SCMH1: variants seen among roughly 807,000 people sequenced by gnomAD.
SCMH1 encodes polycomb protein SCMH1.
SCMH1 carries 37 observed loss-of-function variants against 70.8 expected under a neutral mutation model. The observed-to-expected ratio is 0.52, with a 90% CI of 0.40 to 0.69. The LOEUF is 0.69. Ranked by LOEUF, SCMH1 falls within the 30% of genes least tolerant of loss-of-function variation. The pLI is 0.00. For synonymous variants in SCMH1, 292 were observed against 307.4 expected (o/e 0.95, Z 0.52); for missense variants, 607 against 827.3 (o/e 0.73, Z 3.27).
intron 13 of SCMH1, among the ~76,000 whole-genome samples, 159 bp from the exon 15 acceptor site, chr1:41,028,885 T>C (rs957663639): frequency 1.3e-5 from 2 of 152,232 alleles, no homozygotes; most frequent in African/African-American, 2.4e-5. Context: ...GAAGCATTTC[T>C]TCACAAAGGG....
chr1:41,068,735 G>A (rs1247893316), intron 10 of SCMH1, among the ~76,000 whole-genome samples: 2 of 152,154 alleles, frequency 1.3e-5, no homozygotes, highest in African/African-American at 2.4e-5. Flanking sequence ...AAATAAAAGT[G>A]TCCAGTATGG....
intron 8 of SCMH1, among the ~76,000 whole-genome samples, chr1:41,079,024 AT>A (rs1177178805): frequency 6.6e-6 from 1 of 152,220 alleles, no homozygotes; most frequent in East Asian, 1.9e-4. Flanking sequence ...ATTTTGCATT[AT>A]TTGGGAGTAG....
intron 13 of SCMH1, among the ~76,000 whole-genome samples, chr1:41,037,008 C>T (rs1740610): frequency 6.6e-6 from 1 of 152,000 alleles, no homozygotes; most frequent in Non-Finnish European, 1.5e-5. Flanking sequence ...TATCTGTTTA[C>T]GTGTCTCTCT....
intron 1 of SCMH1, among the ~76,000 whole-genome samples, chr1:41,224,141 TCCTTTAAAAC>T (rs1659822336): frequency 6.6e-6 from 1 of 152,176 alleles, no homozygotes; most frequent in Non-Finnish European, 1.5e-5. Flanking sequence ...CGTCTACTCA[TCCTTTAAAAC>T]CTAATTTGCA....
intron 2 of SCMH1, among the ~76,000 whole-genome samples, chr1:41,180,879 C>T (rs940656147): frequency 4.6e-5 from 7 of 152,116 alleles, no homozygotes; most frequent in African/African-American, 1.7e-4. Context: ...AAAAAGAGCC[C>T]ACATTGCCAA....
intron 6 of SCMH1, among the ~76,000 whole-genome samples, chr1:41,140,180 T>C (rs978187288): frequency 6.6e-6 from 1 of 152,192 alleles, no homozygotes; most frequent in African/African-American, 2.4e-5. Context: ...AACTAGGGTT[T>C]TGTTGTGGTA....
At chr1:41,159,999 C>T (rs1303412164) in intron 4 of SCMH1, 1 of 368,986 alleles carries the variant, frequency 2.7e-6, no homozygotes, top group African/African-American at 2.1e-5. Context: ...GGATCAGAGT[C>T]ACAAAGTTAC....
At chr1:41,123,332 G>A (rs543577384) in intron 6 of SCMH1, among the ~76,000 whole-genome samples, 44 of 152,314 alleles carry the variant, frequency 2.9e-4, no homozygotes, top group African/African-American at 1.0e-3. Flanking sequence ...ATCAGTGACA[G>A]AAACATACAA....
intron 2 of SCMH1, among the ~76,000 whole-genome samples, chr1:41,171,856 C>T (rs977984016): frequency 5.9e-5 from 9 of 151,976 alleles, no homozygotes; most frequent in Non-Finnish European, 8.8e-5. Flanking sequence ...AAAATAGAAA[C>T]GTAACATACC....
chr1:41,044,968 GAA>G, intron 12 of SCMH1, among the ~76,000 whole-genome samples: 1 of 152,260 alleles, frequency 6.6e-6, no homozygotes, highest in Middle Eastern at 3.4e-3. Flanking sequence ...ATTTCTTTGA[GAA>G]ATCTCTTTTT....
intron 6 of SCMH1, among the ~76,000 whole-genome samples, chr1:41,137,403 G>C (rs1572502029): frequency 6.6e-6 from 1 of 152,090 alleles, no homozygotes; most frequent in African/African-American, 2.4e-5. Flanking sequence ...TTTCAAGGCA[G>C]ATCATTTATA....
chr1:41,210,888 C>A (rs1305808495), intron 1 of SCMH1, among the ~76,000 whole-genome samples: 1 of 151,772 alleles, frequency 6.6e-6, no homozygotes, highest in Non-Finnish European at 1.5e-5. Context: ...CGACTCACTG[C>A]AACCTCCGCC....
At chr1:41,118,738 T>C (rs916338534) in intron 6 of SCMH1, among the ~76,000 whole-genome samples, 1 of 152,226 alleles carries the variant, frequency 6.6e-6, no homozygotes, top group Admixed American at 6.5e-5. Flanking sequence ...AGTTAGGTCT[T>C]CCAATTAGAG....
chr1:41,062,298 G>T (rs1444047295), intron 10 of SCMH1, among the ~76,000 whole-genome samples: 1 of 151,856 alleles, frequency 6.6e-6, no homozygotes, highest in Non-Finnish European at 1.5e-5. Flanking sequence ...AATAACAAGA[G>T]AAATTTAAAA....
chr1:41,219,208 G>C (rs753165646), intron 1 of SCMH1, among the ~76,000 whole-genome samples: 4 of 152,244 alleles, frequency 2.6e-5, no homozygotes, highest in African/African-American at 4.8e-5. Context: ...GGAGGGCACA[G>C]AAGTTCTGCA....
At chr1:41,221,572 C>A (rs1471386004) in intron 1 of SCMH1, among the ~76,000 whole-genome samples, 1 of 143,704 alleles carries the variant, frequency 7.0e-6, no homozygotes, top group Non-Finnish European at 1.5e-5. Flanking sequence ...TAGGGCATGG[C>A]CAAACGCTCA....
chr1:41,136,151 G>A (rs768904799), intron 6 of SCMH1, among the ~76,000 whole-genome samples: 1 of 151,782 alleles, frequency 6.6e-6, no homozygotes, highest in African/African-American at 2.4e-5. Context: ...TTGCCATGCT[G>A]CCCAGGCTGG....
chr1:41,120,686 T>G (rs61781827), intron 6 of SCMH1, among the ~76,000 whole-genome samples: 1 of 152,264 alleles, frequency 6.6e-6, no homozygotes, highest in Middle Eastern at 3.4e-3. Context: ...CAATCATAGA[T>G]AGTAGATAAT....
chr1:41,194,004 C>T (rs1029693900), intron 1 of SCMH1, among the ~76,000 whole-genome samples: 12 of 152,108 alleles, frequency 7.9e-5, no homozygotes, highest in African/African-American at 2.9e-4. Context: ...TACGAACTTA[C>T]AATGTAGTGG....
Sources: gnomAD v4.1 joint callset for allele counts (sites outside exome capture counted in the v4.1 genomes callset) on GRCh38, gnomAD v4.1.1 for gene constraint, MANE v1.5 for transcripts, NCBI Gene and HGNC (gene_info 2026-07-23, HGNC 2026-07-21) for gene names.